The following PCOLCE variants were observed in gnomAD, a reference collection of about 807,000 sequenced individuals.
PCOLCE encodes procollagen C-endopeptidase enhancer 1.
A neutral mutation model predicts 47.2 loss-of-function variants in PCOLCE; 33 were observed. The observed-to-expected ratio is 0.70, with a 90% CI of 0.53 to 0.93. The LOEUF (loss-of-function observed/expected upper bound fraction) is 0.93. PCOLCE is among the 40% of genes least tolerant of loss of function. The pLI, the probability that PCOLCE is intolerant of heterozygous loss-of-function variation, is 0.00. For synonymous variants in PCOLCE, 254 were observed against 252.5 expected (o/e 1.01, Z -0.06); for missense variants, 584 against 585.3 (o/e 1.00, Z 0.02).
chr7:100,604,599 G>A lies in PCOLCE; in HGVS notation c.463+382G>A. The A allele has an allele frequency of 2.7e-6, 1 of 365,964 alleles. No individual in the cohort carries two copies. Among genetic ancestry groups the A allele is most frequent in the Non-Finnish European group, 5.2e-6 (1 of 193,684 alleles). The allele number at this position is 365,964 out of a possible 1,614,324, so 22.7% of individuals were successfully genotyped here. The stretch of plus-strand genomic sequence containing the variant: ...GGGGACTAGGTTCCTCCAACCCCGG[G>A]GGGCCCCTACACCCAGCCCTGGGCT... On this transcript the variant is annotated intron_variant, in intron 3 of 8. Transcript: ENST00000223061. This position sits in a 1 kb window ranked among gnomAD's most constrained non-coding sequence, Gnocchi z 6.4.
rs763716897 is a variant in PCOLCE at position 100,607,473 on chromosome 7, A to T, written c.962A>T (p.Gln321Leu). 1.9e-6 allele frequency: 3 copies of T among 1,614,110 alleles called. No individual in the cohort carries two copies. Among genetic ancestry groups the T allele is most frequent in the Non-Finnish European group, 2.5e-6 (3 of 1,179,992 alleles). Residue 321 changes from glutamine (Q) to leucine (L), a missense_variant, in exon 7 of 9, where the codon CAG becomes CTG. Coordinates refer to ENST00000223061, the MANE Select transcript of PCOLCE (RefSeq NM_002593.4). The part of the protein sequence containing the change: ...SAPDAPTCPK[Q>L]CRRTGTLQSN... ...CTAGATGCACCCACCTGCCCAAAGC[A>T]GTGCCGCCGGACAGGCACCTTGCAG...
chr7:100,603,132 T>C, intron 1 of PCOLCE: 1 of 307,228 alleles, frequency 3.3e-6, no homozygotes, highest in East Asian at 6.5e-5. Context: ...GAGGCGGGAG[T>C]CTGGAAGGGG....
chr7:100,603,373 A>C (rs1802646365), intron 1 of PCOLCE, 57 bp from the exon 2 acceptor site: 2 of 845,904 alleles, frequency 2.4e-6, no homozygotes, highest in Non-Finnish European at 3.8e-6. Flanking sequence ...CCATCTTGCC[A>C]GTGCTCCCCC....
In PCOLCE at chr7:100,604,113, T is replaced by TAGTCGCCCCC; in HGVS notation, c.360_369dup (p.Gly124SerfsTer15). On this transcript the variant is annotated frameshift_variant, in exon 3 of 9. Coordinates refer to ENST00000223061, the MANE Select transcript of PCOLCE (RefSeq NM_002593.4). LOFTEE classifies it high-confidence loss of function. This position sits in a 1 kb window ranked among gnomAD's most constrained non-coding sequence, Gnocchi z 6.4. The stretch of plus-strand genomic sequence containing the variant: ...TGTGGGACCTTCCGGCCTGCGCCCC[T>TAGTCGCCCCC]AGTCGCCCCCGGCAACCAGGTGACC... The TAGTCGCCCCC allele has an allele frequency of 6.2e-7, 1 of 1,611,700 alleles. No individual in the cohort carries two copies. Among genetic ancestry groups the TAGTCGCCCCC allele is most frequent in the South Asian group, 1.1e-5 (1 of 91,078 alleles).
chr7:100,607,771 T>A lies in PCOLCE; in HGVS notation c.1147T>A (p.Tyr383Asn). The A allele has an allele frequency of 6.2e-7, 1 of 1,614,146 alleles. No homozygotes were observed. The highest frequency in any genetic ancestry group is 8.5e-7 in the Non-Finnish European group (1 of 1,180,036). The change falls in exon 8 of 9, where the codon TAC becomes AAC. Residue 383 changes from tyrosine (Y) to asparagine (N), a missense_variant. By Grantham distance (143) the Tyr-to-Asn change is moderately radical (BLOSUM62 -2). Transcript: ENST00000223061. ...SPPTGASLKF[Y>N]VPCKQCPPMK... ...ACCCACTGGTGCCTCCCTGAAGTTTTACGTGCCTTGCAAGCAGTGCCCCCC... is the reference window on the plus strand; with the variant it reads ...ACCCACTGGTGCCTCCCTGAAGTTTAACGTGCCTTGCAAGCAGTGCCCCCC...
At position 100,604,768 on chromosome 7, in the gene PCOLCE, G is replaced by A; in HGVS notation, c.464-323G>A. Reference sequence around the variant, plus strand: ...CAGCCTGAAAGGGGACTCTGCTGCAGGGCCGGGGAGATGGGATCTCCTAGG... The same window carrying A: ...CAGCCTGAAAGGGGACTCTGCTGCAAGGCCGGGGAGATGGGATCTCCTAGG... On this transcript the variant is annotated intron_variant, in intron 3 of 8. Coordinates refer to ENST00000223061, the MANE Select transcript of PCOLCE (RefSeq NM_002593.4). This position sits in a 1 kb window ranked among gnomAD's most constrained non-coding sequence, Gnocchi z 6.4. 1 of 388,986 alleles carries A rather than the reference G, an allele frequency of 2.6e-6. No homozygotes were observed. Among genetic ancestry groups the A allele is most frequent in the Non-Finnish European group, 4.7e-6 (1 of 210,676 alleles). 24.1% of individuals were successfully genotyped at this position (388,986 alleles called of 1,614,324 possible).
At position 100,608,082 on chromosome 7, in the gene PCOLCE, GGCT is replaced by G. The variant is rs775547598; in HGVS notation, c.1335_1337del (p.Ala446del). The G allele has an allele frequency of 5.0e-6, 8 of 1,613,624 alleles. No homozygotes were observed. The highest frequency in any genetic ancestry group is 6.8e-6 in the Non-Finnish European group (8 of 1,180,032). On this transcript the variant is annotated inframe_deletion, in exon 9 of 9. Transcript: ENST00000223061. ...GGAAGTGCCCCTCTCAACCTGTGCG[GGCT>G]GCTGCGTCCCAGGACTGAGACGCAG...
chr7:100,606,509 G>A lies in PCOLCE; in HGVS notation c.819G>A (p.Leu273=), dbSNP rs1802718960. 6.2e-7 allele frequency: 1 copy of A among 1,614,212 alleles called. No individual in the cohort carries two copies. Among genetic ancestry groups the A allele is most frequent in the East Asian group, 2.2e-5 (1 of 44,892 alleles). Residue 273 remains leucine, a synonymous_variant, in exon 6 of 9, where the codon CTG becomes CTA. Transcript: ENST00000223061. The part of the protein sequence containing the change: ...ADGFSASYKT[L]PRGTAKEGQG... ...GCTTCTCAGCCTCCTACAAGACCCT[G>A]CCGCGGGGCACTGCCAAAGAAGGGC...
Position 100,605,806 on chromosome 7 carries a change from TC to T in PCOLCE, c.722del (p.Pro241ArgfsTer99), listed in dbSNP as rs1562827360. 1 of 1,552,020 alleles carries T rather than the reference TC, an allele frequency of 6.4e-7. No individual in the cohort carries two copies. Among genetic ancestry groups the T allele is most frequent in the South Asian group, 1.2e-5 (1 of 84,188 alleles). On this transcript the variant is annotated frameshift_variant, in exon 5 of 9. Transcript: ENST00000223061. LOFTEE classifies it high-confidence loss of function. The surrounding 1 kb of genome is among the most constrained non-coding windows in gnomAD (Gnocchi z 6.1). ...RRLGKFCGDA[V>X]PGSISSEGNE... ...CTGGGGAAGTTCTGCGGCGACGCAG[TC>T]CCGGGGTGAGGGGCGGGACCTGGGC...
chr7:100,606,224 G>C (rs906080066), intron 5 of PCOLCE, 192 bp from the exon 6 acceptor site: 23 of 571,390 alleles, frequency 4.0e-5, no homozygotes, highest in Middle Eastern at 4.6e-4. Flanking sequence ...AGCAACTTGC[G>C]GGGCTGAGGC....
rs775095299 is a variant in PCOLCE at position 100,606,401 on chromosome 7, G to C, written c.726-15G>C. 1 of 1,605,318 alleles carries C rather than the reference G, an allele frequency of 6.2e-7. No homozygotes were observed. The highest frequency in any genetic ancestry group is 1.1e-5 in the South Asian group (1 of 90,808). On this transcript the variant is annotated splice_polypyrimidine_tract_variant and intron_variant, in intron 5 of 8. Transcript: ENST00000223061. ...CGCCCTGACACTTCCCCCAATGCTC[G>C]GTGGCCACCTGCAGCTCCATCTCCT...
At chr7:100,603,402 C>A in intron 1 of PCOLCE, 28 bp from the exon 2 acceptor site, 1 of 1,248,478 alleles carries the variant, frequency 8.0e-7, no homozygotes. Flanking sequence ...CGTCCCTGCT[C>A]TTTCCTGACC....
At position 100,606,066 on chromosome 7, in the gene PCOLCE, T is replaced by C. The variant is rs930201766; in HGVS notation, c.725+254T>C. On this transcript the variant is annotated intron_variant, in intron 5 of 8. Coordinates refer to ENST00000223061, the MANE Select transcript of PCOLCE (RefSeq NM_002593.4). The stretch of plus-strand genomic sequence containing the variant: ...CCACCTGGCCAGGGGTAGTGGCTCA[T>C]GCCTGTAATCATAGCACTTTGGGAG... 3.0e-5 allele frequency: 17 copies of C among 564,016 alleles called. No individual in the cohort carries two copies. In the Middle Eastern group the frequency reaches 1.9e-3, roughly 62 times the overall value. 34.9% of individuals were successfully genotyped at this position (564,016 alleles called of 1,614,324 possible). A position where few individuals can be genotyped will look rare whatever the true frequency, so the allele number is the denominator to read the frequency against.
At chr7:100,603,612 C>A (rs1043427939) in intron 2 of PCOLCE, 74 bp downstream of exon 2, 3 of 630,242 alleles carry the variant, frequency 4.8e-6, no homozygotes, top group East Asian at 3.0e-5. Flanking sequence ...AAGGGACCCC[C>A]CCCCCGTCCC....
Position 100,605,816 on chromosome 7 carries a change from A to AG in PCOLCE, c.725+8dup. On this transcript the variant is annotated splice_donor_region_variant and intron_variant, in intron 5 of 8. Transcript: ENST00000223061. The surrounding 1 kb of genome is among the most constrained non-coding windows in gnomAD (Gnocchi z 6.1). ...TCTGCGGCGACGCAGTCCCGGGGTG[A>AG]GGGGCGGGACCTGGGCGAGTCCGGG... is the stretch of plus-strand genomic sequence containing the variant. The AG allele has an allele frequency of 1.3e-6, 2 of 1,551,088 alleles. No individual in the cohort carries two copies. The highest frequency in any genetic ancestry group is 1.4e-5 in the African/African-American group (1 of 73,110).
In PCOLCE at chr7:100,606,280, G is replaced by T; in HGVS notation, c.726-136G>T. On this transcript the variant is annotated intron_variant, in intron 5 of 8. Transcript: ENST00000223061. ...GAAGGTCAAGGCTGCAGTAAGCCTAGATGGAGCCACTGCACTCAAGCCTGG... is the reference window on the plus strand; with the variant it reads ...GAAGGTCAAGGCTGCAGTAAGCCTATATGGAGCCACTGCACTCAAGCCTGG... 9.5e-6 allele frequency: 6 copies of T among 631,392 alleles called. No individual in the cohort carries two copies. In the East Asian group the frequency reaches 1.4e-4, roughly 14 times the overall value. 39.1% of individuals were successfully genotyped at this position (631,392 alleles called of 1,614,324 possible). A position where few individuals can be genotyped will look rare whatever the true frequency, so the allele number is the denominator to read the frequency against.
At position 100,603,459 on chromosome 7, in the gene PCOLCE, A is replaced by T. The variant is rs138299603; in HGVS notation, c.125A>T (p.Lys42Met). The T allele has an allele frequency of 2.1e-4, 343 of 1,605,626 alleles. 1 individual carries two copies. Among genetic ancestry groups the T allele is most frequent in the Non-Finnish European group, 2.8e-4 (334 of 1,175,760 alleles). Residue 42 changes from lysine to methionine, a missense_variant, in exon 2 of 9, where the codon AAG becomes ATG. By Grantham distance (95) the Lys-to-Met change is moderately conservative. Transcript: ENST00000223061. Reference protein sequence around the residue: ...RPVFLCGGDVKGESGYVASEG... With the variant: ...RPVFLCGGDVMGESGYVASEG... ...GTGTTCCTGTGCGGAGGGGATGTGA[A>T]GGGGGAATCAGGTTACGTGGCAAGT... is the stretch of plus-strand genomic sequence containing the variant.
intron 1 of PCOLCE, 83 bp from the exon 2 acceptor site, chr7:100,603,347 C>T (rs1802645965): frequency 2.8e-6 from 2 of 703,978 alleles, no homozygotes; most frequent in African/African-American, 3.7e-5. Context: ...GGAGTTTCAT[C>T]CTCATCACCT....
chr7:100,602,795 C>A, intron 1 of PCOLCE: 1 of 556,484 alleles, frequency 1.8e-6, no homozygotes, highest in South Asian at 2.3e-5. Context: ...CCCCACCCAC[C>A]CAGATCCTTG....
Sources: gnomAD v4.1 joint callset for allele counts on GRCh38, gnomAD v4.1.1 for gene constraint, Gnocchi (gnomAD v3.1) non-coding constraint, MANE v1.5 for transcripts, NCBI Gene and HGNC (gene_info 2026-07-23, HGNC 2026-07-21) for gene names.